PDE4D: variants seen among roughly 807,000 people sequenced by gnomAD.
PDE4D encodes the protein phosphodiesterase 4D, also known as 3',5'-cyclic-AMP phosphodiesterase 4D.
In PDE4D, 24 loss-of-function variants were observed where a neutral mutation model predicts 87.4. The ratio of observed to expected loss-of-function variants is 0.27; its 90% confidence interval spans 0.20 to 0.39. The LOEUF is 0.39. Ranked by LOEUF, PDE4D falls within the 10% of genes least tolerant of loss-of-function variation. The pLI is 1.00. For synonymous variants in PDE4D, 384 were observed against 383.2 expected (o/e 1.00, Z -0.02); for missense variants, 714 against 1,041.0 (o/e 0.69, Z 4.32).
chr5:59,438,275 T>C (rs751961839), intron 1 of PDE4D, among the ~76,000 whole-genome samples: 12 of 152,194 alleles, frequency 7.9e-5, no homozygotes, highest in Non-Finnish European at 1.6e-4. Flanking sequence ...CACATCAAGC[T>C]TAATTCAGCT....
At chr5:59,936,804 T>C (rs1413355838) in intron 3 of PDE4D, among the ~76,000 whole-genome samples, 1 of 152,228 alleles carries the variant, frequency 6.6e-6, no homozygotes, top group Middle Eastern at 3.2e-3. Context: ...ACTCATGGCA[T>C]ATATTAAATA....
chr5:59,490,174 T>C (rs893899296), intron 1 of PDE4D, among the ~76,000 whole-genome samples: 1 of 152,202 alleles, frequency 6.6e-6, no homozygotes, highest in African/African-American at 2.4e-5. Context: ...CTAAAGCAAC[T>C]GTGGAGTAAG....
rs139741886 is a variant in PDE4D at position 59,231,085 on chromosome 5, G to C, written c.456-15117C>G. Among the ~76,000 whole-genome samples, 204 of 152,172 alleles carry C rather than the reference G, an allele frequency of 1.3e-3. 8 individuals are homozygous for C. The East Asian group carries it at 0.036, about 27-fold the overall frequency. On this transcript the variant is annotated intron_variant, in intron 1 of 14. Coordinates refer to ENST00000340635, the MANE Select transcript of PDE4D (RefSeq NM_001104631.2). ...TTCTTATATTGGGTGAATTATGTATGGTTACAAATTATCTTTTAAAAGTTT... is the reference window on the plus strand; with the variant it reads ...TTCTTATATTGGGTGAATTATGTATCGTTACAAATTATCTTTTAAAAGTTT...
chr5:59,126,720 A>G (rs1580939310), intron 5 of PDE4D, among the ~76,000 whole-genome samples: 1 of 152,230 alleles, frequency 6.6e-6, no homozygotes, highest in African/African-American at 2.4e-5. Context: ...TTCCCGGCTA[A>G]CATTTCCACA....
intron 3 of PDE4D, among the ~76,000 whole-genome samples, chr5:59,977,960 A>T (rs1372424157): frequency 6.6e-6 from 1 of 152,208 alleles, no homozygotes; most frequent in Non-Finnish European, 1.5e-5. Flanking sequence ...ATCTGTTTAC[A>T]GCATGGTTTA....
At chr5:59,476,298 G>C (rs1803287048) in intron 1 of PDE4D, among the ~76,000 whole-genome samples, 1 of 152,050 alleles carries the variant, frequency 6.6e-6, no homozygotes, top group African/African-American at 2.4e-5. Flanking sequence ...TGGGAGAATT[G>C]ACAATGTTCT....
chr5:59,385,068 C>T (rs1786707684), intron 1 of PDE4D, among the ~76,000 whole-genome samples: 1 of 152,156 alleles, frequency 6.6e-6, no homozygotes, highest in Non-Finnish European at 1.5e-5. Context: ...GATGCTCTAG[C>T]AAATTGGATA....
intron 2 of PDE4D, among the ~76,000 whole-genome samples, chr5:59,206,341 A>T (rs911590069): frequency 9.2e-5 from 14 of 152,186 alleles, no homozygotes; most frequent in African/African-American, 3.4e-4. Context: ...ACATCTTTAG[A>T]TGATTCATAT....
At chr5:59,364,203 T>TATTA (rs1197677197) in intron 1 of PDE4D, among the ~76,000 whole-genome samples, 10 of 152,332 alleles carry the variant, frequency 6.6e-5, no homozygotes, top group Admixed American at 5.9e-4. Flanking sequence ...ATTAGGCTAT[T>TATTA]ATTAATAAGA....
At chr5:59,970,622 G>T (rs201420026) in intron 3 of PDE4D, among the ~76,000 whole-genome samples, 2 of 151,640 alleles carry the variant, frequency 1.3e-5, no homozygotes, top group African/African-American at 4.8e-5. Context: ...ACCATCACTG[G>T]CCATCAGAGA....
At chr5:60,515,617 TTTC>T (rs1177832000) in intron 1 of PDE4D, among the ~76,000 whole-genome samples, 21 of 149,642 alleles carry the variant, frequency 1.4e-4, no homozygotes, top group African/African-American at 4.4e-4. Flanking sequence ...TTTTTTTTTT[TTTC>T]TGTCAGGATG....
intron 1 of PDE4D, among the ~76,000 whole-genome samples, chr5:60,321,781 T>C (rs1439732086): frequency 6.6e-6 from 1 of 151,944 alleles, no homozygotes; most frequent in African/African-American, 2.4e-5. Context: ...AACCAACAAA[T>C]ATGTAAAAAT....
intron 1 of PDE4D, among the ~76,000 whole-genome samples, chr5:59,351,342 T>C (rs376248600): frequency 7.2e-5 from 11 of 152,278 alleles, no homozygotes; most frequent in African/African-American, 2.6e-4. Flanking sequence ...TGGTTGTTAG[T>C]AGTATTGTTA....
chr5:60,044,273 A>C (rs1019796726), intron 2 of PDE4D, among the ~76,000 whole-genome samples: 1 of 152,176 alleles, frequency 6.6e-6, no homozygotes, highest in Admixed American at 6.5e-5. Flanking sequence ...ATAGATATAT[A>C]CACTTATTAT....
intron 1 of PDE4D, among the ~76,000 whole-genome samples, chr5:59,638,622 C>T (rs1001165779): frequency 1.3e-5 from 2 of 152,086 alleles, no homozygotes; most frequent in South Asian, 4.1e-4. Flanking sequence ...CCACCCTCTA[C>T]CTCCCAATCC....
chr5:59,130,932 G>A (rs1776167617), intron 5 of PDE4D, among the ~76,000 whole-genome samples: 1 of 152,156 alleles, frequency 6.6e-6, no homozygotes, highest in African/African-American at 2.4e-5. Flanking sequence ...ATTTGGTCAT[G>A]TTATTCCCTT....
chr5:59,380,692 T>A (rs1045587672), intron 1 of PDE4D, among the ~76,000 whole-genome samples: 3 of 152,208 alleles, frequency 2.0e-5, no homozygotes, highest in African/African-American at 7.2e-5. Context: ...GAAGTTCATA[T>A]CTTGTTTCTG....
intron 1 of PDE4D, among the ~76,000 whole-genome samples, chr5:59,686,720 A>G (rs990616331): frequency 3.5e-4 from 53 of 152,294 alleles, no homozygotes; most frequent in East Asian, 1.9e-4. Context: ...ACTCTACTGT[A>G]CAGCTTATTT....
chr5:60,146,536 G>A (rs1241450559), intron 2 of PDE4D, among the ~76,000 whole-genome samples: 1 of 152,094 alleles, frequency 6.6e-6, no homozygotes, highest in Admixed American at 6.6e-5. Context: ...TCTCCATCAG[G>A]TAATCATTGA....
Sources: gnomAD v4.1 joint callset for allele counts (sites outside exome capture counted in the v4.1 genomes callset) on GRCh38, gnomAD v4.1.1 for gene constraint, MANE v1.5 for transcripts, NCBI Gene and HGNC (gene_info 2026-07-23, HGNC 2026-07-21) for gene names.